TTC39C: variants seen among roughly 807,000 people sequenced by gnomAD.
The protein encoded by TTC39C is tetratricopeptide repeat domain 39C, also known as tetratricopeptide repeat protein 39C.
Under a neutral mutation model 76.3 loss-of-function variants are expected in TTC39C, and 33 were observed. The ratio of observed to expected loss-of-function variants is 0.43; its 90% CI spans 0.33 to 0.58. The LOEUF (loss-of-function observed/expected upper bound fraction) is 0.58, where lower values mean the gene tolerates loss of function less well. TTC39C is among the 20% of genes least tolerant of loss of function. TTC39C has a pLI of 0.04. For missense variants in TTC39C, 595 were observed against 701.4 expected, an observed-to-expected ratio of 0.85 and a Z score of 1.71; for synonymous variants, 254 against 260.6, an observed-to-expected ratio of 0.97 and a Z score of 0.24.
At chr18:24,022,364 C>T (rs551289749) in intron 1 of TTC39C, among the ~76,000 whole-genome samples, 1 of 152,242 alleles carries the variant, frequency 6.6e-6, no homozygotes, top group South Asian at 2.1e-4. Flanking sequence ...ATTCCCCTGC[C>T]AGCTCTGTGA....
intron 1 of TTC39C, among the ~76,000 whole-genome samples, chr18:24,035,228 T>C (rs2083717830): frequency 6.6e-6 from 1 of 152,134 alleles, no homozygotes; most frequent in Non-Finnish European, 1.5e-5. Flanking sequence ...TGTAGAGCTG[T>C]GGTCTGGCTG....
chr18:24,077,580 G>T (rs1277670671), intron 4 of TTC39C, among the ~76,000 whole-genome samples: 1 of 152,106 alleles, frequency 6.6e-6, no homozygotes, highest in Non-Finnish European at 1.5e-5. Flanking sequence ...GCATTAGGCG[G>T]GATTGGACAA....
At chr18:24,114,791 C>G (rs907117296) in intron 7 of TTC39C, 144 bp downstream of exon 7, 4 of 584,170 alleles carry the variant, frequency 6.8e-6, no homozygotes, top group African/African-American at 1.9e-5. Flanking sequence ...GTAGCACATG[C>G]AATGATACTT....
rs372800593 is a variant in TTC39C, at chr18:24,118,240, G to A, written c.1186+8G>A. Reference sequence around the variant, plus strand: ...ATGCCTACTTGACTGCAGGTGAGTCGCCCATGGTCCCTCAGTGTGCCTCTC... The same window carrying A: ...ATGCCTACTTGACTGCAGGTGAGTCACCCATGGTCCCTCAGTGTGCCTCTC... On this transcript the variant is annotated splice_region_variant and intron_variant, in intron 8 of 13. Transcript: ENST00000317571. 119 of 1,606,014 alleles carry A rather than the reference G, an allele frequency of 7.4e-5. No homozygotes were observed. Among genetic ancestry groups the A allele is most frequent in the Middle Eastern group, 5.0e-4 (3 of 6,034 alleles).
At chr18:24,020,809 T>G (rs1406614249) in intron 1 of TTC39C, among the ~76,000 whole-genome samples, 1 of 152,214 alleles carries the variant, frequency 6.6e-6, no homozygotes, top group Non-Finnish European at 1.5e-5. Flanking sequence ...GCTGACTGTA[T>G]TGTATTAACC....
intron 7 of TTC39C, among the ~76,000 whole-genome samples, chr18:24,116,826 T>TG (rs1057344978): frequency 2.1e-5 from 3 of 145,620 alleles, no homozygotes; most frequent in South Asian, 2.2e-4. Flanking sequence ...TTAGTTTTTT[T>TG]TTTTTTTTTT....
Position 24,094,217 on chromosome 18 carries a change from C to T in TTC39C, c.984+11136C>T, listed in dbSNP as rs149964426. Among the ~76,000 whole-genome samples the T allele has an allele frequency of 1.6e-3, 240 of 152,322 alleles. No homozygotes were observed. The Middle Eastern group carries it at 0.017, about 11-fold the overall frequency. ...TCATCTTAAGCCCCTCCCATCTCTT[C>T]ATGTTTTGTCCTGCGATTGCAACAA... is the stretch of plus-strand genomic sequence containing the variant. On this transcript the variant is annotated intron_variant, in intron 6 of 13. Transcript: ENST00000317571.
intron 1 of TTC39C, among the ~76,000 whole-genome samples, chr18:24,048,464 T>C (rs2083911325): frequency 6.6e-6 from 1 of 152,250 alleles, no homozygotes; most frequent in African/African-American, 2.4e-5. Context: ...TATGCAAGGC[T>C]GCCCATAGCC....
chr18:24,030,507 T>A lies in TTC39C; in HGVS notation c.167+15469T>A, dbSNP rs2083654002. The stretch of plus-strand genomic sequence containing the variant: ...TCTTGTAATCATACAAGTCTGTTGA[T>A]CTTTGCTTAAATGCCTGCACAGACA... On this transcript the variant is annotated intron_variant, in intron 1 of 13. Coordinates refer to ENST00000317571, the MANE Select transcript of TTC39C (RefSeq NM_001135993.2). Among the ~76,000 whole-genome samples the A allele has an allele frequency of 1.3e-5, 2 of 152,176 alleles. 1 individual carries two copies. The highest frequency in any genetic ancestry group is 1.3e-4 in the Admixed American group (2 of 15,280).
intron 1 of TTC39C, among the ~76,000 whole-genome samples, chr18:24,060,976 G>A (rs899415011): frequency 4.6e-5 from 7 of 152,028 alleles, no homozygotes; most frequent in Non-Finnish European, 8.8e-5. Context: ...TTTGCTTTTA[G>A]GGACATTTAA....
intron 6 of TTC39C, among the ~76,000 whole-genome samples, chr18:24,103,168 A>G (rs1019130901): frequency 7.2e-5 from 11 of 152,226 alleles, no homozygotes; most frequent in African/African-American, 2.2e-4. Flanking sequence ...TTAATTTCCA[A>G]CTGCCTCATT....
chr18:24,090,797 C>CTTTTTTT (rs1218689781), intron 6 of TTC39C, among the ~76,000 whole-genome samples: 3 of 79,526 alleles, frequency 3.8e-5, no homozygotes, highest in Non-Finnish European at 7.1e-5. Flanking sequence ...GATTAATTTA[C>CTTTTTTT]TTTTTTTTTT....
At position 24,123,856 on chromosome 18, in the gene TTC39C, T is replaced by G; in HGVS notation, c.1209T>G (p.Asp403Glu). 6.2e-7 allele frequency: 1 copy of G among 1,611,918 alleles called. No individual in the cohort carries two copies. ...LTAVCQGATG[D>E]VDGAQIVFKE... ...CAGTTTGTCAGGGAGCCACTGGTGATGTGGATGGGGCACAGATTGTCTTTA... is the reference window on the plus strand; with the variant it reads ...CAGTTTGTCAGGGAGCCACTGGTGAGGTGGATGGGGCACAGATTGTCTTTA... The change falls in exon 9 of 14, where the codon GAT becomes GAG. Residue 403 changes from aspartate (D) to glutamate (E), a missense_variant. Asp to Glu is a conservative substitution (Grantham distance 45). Coordinates refer to ENST00000317571, the MANE Select transcript of TTC39C (RefSeq NM_001135993.2).
At chr18:24,000,054 G>C (rs1294648296) in intron 1 of TTC39C, among the ~76,000 whole-genome samples, 1 of 152,062 alleles carries the variant, frequency 6.6e-6, no homozygotes, top group Non-Finnish European at 1.5e-5. Flanking sequence ...CTACCATGGG[G>C]GCAGGACACT....
chr18:24,029,012 C>T (rs570505040), intron 1 of TTC39C, among the ~76,000 whole-genome samples: 5 of 152,094 alleles, frequency 3.3e-5, no homozygotes, highest in African/African-American at 2.4e-5. Flanking sequence ...CATGGGCCAC[C>T]GCGCCCCTAC....
At chr18:24,045,153 C>T (rs750620885) in intron 1 of TTC39C, among the ~76,000 whole-genome samples, 1 of 150,428 alleles carries the variant, frequency 6.6e-6, no homozygotes, top group Non-Finnish European at 1.5e-5. Context: ...CCTGTAGTCT[C>T]AGCTATTTGG....
intron 4 of TTC39C, among the ~76,000 whole-genome samples, chr18:24,078,575 G>T (rs540701793): frequency 6.6e-6 from 1 of 152,312 alleles, no homozygotes; most frequent in South Asian, 2.1e-4. Flanking sequence ...GGAGTCCAGG[G>T]GAGACCAGGC....
intron 6 of TTC39C, among the ~76,000 whole-genome samples, chr18:24,087,350 T>C (rs949682427): frequency 6.6e-6 from 1 of 152,190 alleles, no homozygotes; most frequent in African/African-American, 2.4e-5. Flanking sequence ...TACACAACTT[T>C]TTTCTCTTTC....
chr18:24,013,517 A>G (rs1400015080), upstream of TTC39C, among the ~76,000 whole-genome samples: 4 of 152,222 alleles, frequency 2.6e-5, no homozygotes, highest in African/African-American at 9.6e-5. Context: ...TGGATGACAT[A>G]ATGTTTAAAA....
Sources: allele counts gnomAD v4.1 joint callset (sites outside exome capture counted in the v4.1 genomes callset), GRCh38; gene constraint gnomAD v4.1.1; transcripts MANE v1.5; gene names NCBI Gene and HGNC (gene_info 2026-07-23, HGNC 2026-07-21).